SLC2A9: variants seen among roughly 807,000 people sequenced by gnomAD.
The protein encoded by SLC2A9 is solute carrier family 2, facilitated glucose transporter member 9.
SLC2A9 carries 39 observed loss-of-function variants against 50.6 expected under a neutral mutation model. That is an observed-to-expected ratio of 0.77 (90% CI 0.60 to 1.01). The LOEUF is 1.01. Ranked by LOEUF, SLC2A9 falls within the 50% of genes least tolerant of loss-of-function variation. SLC2A9 has a pLI of 0.00. For missense variants in SLC2A9, 686 were observed against 677.6 expected (o/e 1.01, Z -0.14); for synonymous variants, 324 against 276.9 (o/e 1.17, Z -1.69).
At chr4:9,827,235 A>C (rs1208634246) in intron 11 of SLC2A9, among the ~76,000 whole-genome samples, 1 of 152,238 alleles carries the variant, frequency 6.6e-6, no homozygotes, top group Non-Finnish European at 1.5e-5. Flanking sequence ...TCAGTGACTC[A>C]GTCACCTCTG....
downstream of SLC2A9, among the ~76,000 whole-genome samples, chr4:9,796,079 C>T (rs13106539): frequency 0.52 from 79,505 of 151,992 alleles, 22,178 homozygotes; most frequent in Non-Finnish European, 0.64. Flanking sequence ...GAGATTCAGA[C>T]CCATAAGTGA....
At chr4:9,980,921 A>G (rs577102884) in intron 4 of SLC2A9, among the ~76,000 whole-genome samples, 184 bp from the exon 5 acceptor site, 1 of 152,302 alleles carries the variant, frequency 6.6e-6, no homozygotes, top group African/African-American at 2.4e-5. Context: ...ATTTAATCCT[A>G]AAGTATGACT....
At chr4:9,918,212 G>A (rs751314215) in intron 7 of SLC2A9, among the ~76,000 whole-genome samples, 1 of 152,136 alleles carries the variant, frequency 6.6e-6, no homozygotes, top group Non-Finnish European at 1.5e-5. Flanking sequence ...GGATAATGAA[G>A]AAGACAAAGC....
chr4:9,937,292 T>C (rs1287098604), intron 6 of SLC2A9, among the ~76,000 whole-genome samples: 1 of 152,118 alleles, frequency 6.6e-6, no homozygotes, highest in Non-Finnish European at 1.5e-5. Context: ...TTCCGAGCTG[T>C]GTTTTCCCGC....
intron 10 of SLC2A9, among the ~76,000 whole-genome samples, chr4:9,843,839 T>C (rs1007752193): frequency 6.6e-6 from 1 of 152,210 alleles, no homozygotes; most frequent in African/African-American, 2.4e-5. Flanking sequence ...TCCTGGCTCC[T>C]GGATCCCATG....
intron 3 of SLC2A9, among the ~76,000 whole-genome samples, chr4:9,810,292 T>C (rs1407853478): frequency 6.6e-6 from 1 of 152,126 alleles, no homozygotes; most frequent in Middle Eastern, 3.2e-3. Flanking sequence ...AGAGCCTCTT[T>C]CTGCTTTATG....
chr4:9,925,601 G>A (rs1228063208), intron 6 of SLC2A9, among the ~76,000 whole-genome samples: 2 of 152,072 alleles, frequency 1.3e-5, no homozygotes, highest in African/African-American at 2.4e-5. Context: ...GTTGTTTTGG[G>A]GAATAAAATC....
intron 10 of SLC2A9, among the ~76,000 whole-genome samples, chr4:9,865,985 G>C (rs115987889): frequency 6.6e-6 from 1 of 152,178 alleles, no homozygotes; most frequent in East Asian, 1.9e-4. Flanking sequence ...AGGCACAGCC[G>C]AGCACTTCAC....
chr4:9,945,563 G>A (rs1364648042), intron 5 of SLC2A9, among the ~76,000 whole-genome samples: 3 of 152,210 alleles, frequency 2.0e-5, no homozygotes, highest in African/African-American at 7.2e-5. Flanking sequence ...CGGTCATAGA[G>A]GCATGACTGG....
At chr4:9,879,578 G>C in intron 10 of SLC2A9, 1 of 985,364 alleles carries the variant, frequency 1.0e-6, no homozygotes, top group African/African-American at 1.7e-5. Flanking sequence ...AGCAAGGTAT[G>C]TGCTGAGGCA....
chr4:9,908,436 G>A, intron 7 of SLC2A9, 91 bp from the exon 8 acceptor site: 1 of 885,526 alleles, frequency 1.1e-6, no homozygotes, highest in Non-Finnish European at 1.9e-6. Context: ...GGTGGTCTCT[G>A]GATTAAACTC....
intron 3 of SLC2A9, among the ~76,000 whole-genome samples, chr4:9,817,438 C>G (rs1279154605): frequency 6.6e-6 from 1 of 152,200 alleles, no homozygotes; most frequent in South Asian, 2.1e-4. Context: ...GACTCCTGCC[C>G]TCCTGAAGCA....
intron 2 of SLC2A9, among the ~76,000 whole-genome samples, chr4:9,998,768 G>A (rs1759226984): frequency 6.6e-6 from 1 of 152,034 alleles, no homozygotes; most frequent in Non-Finnish European, 1.5e-5. Flanking sequence ...GTCGATAGCA[G>A]GAATAAACAA....
chr4:9,828,048 A>T (rs192857942), intron 11 of SLC2A9, among the ~76,000 whole-genome samples: 1 of 152,302 alleles, frequency 6.6e-6, no homozygotes, highest in East Asian at 1.9e-4. Flanking sequence ...TGGACATCTG[A>T]CTTATCAAGT....
At chr4:9,981,347 ATGGTGATGG>A (rs1339870029) in intron 4 of SLC2A9, among the ~76,000 whole-genome samples, 5 of 145,892 alleles carry the variant, frequency 3.4e-5, no homozygotes, top group Non-Finnish European at 4.5e-5. Context: ...GGTGGTGGTG[ATGGTGATGG>A]TGGTGATGGT....
At chr4:9,997,884 T>C (rs1759009327) in intron 2 of SLC2A9, among the ~76,000 whole-genome samples, 1 of 152,092 alleles carries the variant, frequency 6.6e-6, no homozygotes, top group Non-Finnish European at 1.5e-5. Flanking sequence ...AGATAACATA[T>C]TTGCAACACA....
chr4:9,937,223 G>T (rs1312187235), intron 6 of SLC2A9, among the ~76,000 whole-genome samples: 1 of 152,208 alleles, frequency 6.6e-6, no homozygotes, highest in Non-Finnish European at 1.5e-5. Flanking sequence ...GAAGAAGTGT[G>T]TGGGCAATTT....
intron 7 of SLC2A9, among the ~76,000 whole-genome samples, chr4:9,918,021 C>T (rs1157139689): frequency 6.6e-6 from 1 of 152,086 alleles, no homozygotes; most frequent in African/African-American, 2.4e-5. Flanking sequence ...AGGCACCACC[C>T]CTGGGACCTT....
Position 10,016,705 on chromosome 4 carries a change from G to A in SLC2A9, c.249+2270C>T, listed in dbSNP as rs186104985. On this transcript the variant is annotated intron_variant, in intron 2 of 11. Coordinates refer to ENST00000264784, the MANE Select transcript of SLC2A9 (RefSeq NM_020041.3). ...CAAAGTTGTTTTTCTAAAAAACAGT[G>A]AGCATATTAAATAAGTAAATAAATA... Among the ~76,000 whole-genome samples the A allele has an allele frequency of 1.2e-4, 19 of 152,212 alleles. No homozygotes were observed. The East Asian group carries it at 2.7e-3, about 22-fold the overall frequency.
Sources: allele counts gnomAD v4.1 joint callset (sites outside exome capture counted in the v4.1 genomes callset), GRCh38; gene constraint gnomAD v4.1.1; transcripts MANE v1.5; gene names NCBI Gene and HGNC (gene_info 2026-07-23, HGNC 2026-07-21).